The following CSMD1 variants were observed in gnomAD, a reference collection of about 807,000 sequenced individuals.
The protein encoded by CSMD1 is CUB and sushi domain-containing protein 1.
In CSMD1, 213 loss-of-function variants were observed where a neutral mutation model predicts 417.5. The observed-to-expected ratio is 0.51, with a 90% CI of 0.46 to 0.57. CSMD1 has a LOEUF of 0.57. Among genes scored for constraint, CSMD1 ranks in the 20% least tolerant of loss-of-function variants. The pLI, the probability that CSMD1 is intolerant of heterozygous loss-of-function variation, is 0.00. For synonymous variants in CSMD1, 2,862 were observed against 1,736.8 expected (o/e 1.65, Z -16.11); for missense variants, 6,923 against 4,529.7 (o/e 1.53, Z -15.17).
At chr8:3,571,406 T>C (rs952776317) in intron 10 of CSMD1, among the ~76,000 whole-genome samples, 3 of 152,104 alleles carry the variant, frequency 2.0e-5, no homozygotes, top group African/African-American at 7.2e-5. Flanking sequence ...ACGGAGAACA[T>C]ATATTGTTCT....
intron 5 of CSMD1, among the ~76,000 whole-genome samples, chr8:3,811,031 T>A (rs556310384): frequency 6.6e-6 from 1 of 152,212 alleles, no homozygotes; most frequent in Non-Finnish European, 1.5e-5. Flanking sequence ...CACTCCGTCT[T>A]ACTGGCAGGG....
At chr8:4,536,496 T>C (rs1797109484) in intron 2 of CSMD1, among the ~76,000 whole-genome samples, 1 of 152,182 alleles carries the variant, frequency 6.6e-6, no homozygotes, top group Admixed American at 6.5e-5. Flanking sequence ...ACCTTGTCTT[T>C]TTCTCTTAAC....
At chr8:3,571,980 C>G (rs778479966) in intron 10 of CSMD1, among the ~76,000 whole-genome samples, 5 of 152,118 alleles carry the variant, frequency 3.3e-5, no homozygotes, top group South Asian at 2.1e-4. Context: ...TAAAGCGCAG[C>G]CTTCCTAAAC....
At chr8:3,395,987 G>A (rs1395993150) in intron 17 of CSMD1, among the ~76,000 whole-genome samples, 1 of 152,148 alleles carries the variant, frequency 6.6e-6, no homozygotes, top group African/African-American at 2.4e-5. Context: ...CGATGGATAC[G>A]TATTTTTGAG....
At chr8:3,676,644 C>T (rs943631748) in intron 7 of CSMD1, among the ~76,000 whole-genome samples, 4 of 152,122 alleles carry the variant, frequency 2.6e-5, no homozygotes, top group African/African-American at 9.7e-5. Context: ...GGACCACGCA[C>T]ACACATGTGG....
intron 11 of CSMD1, among the ~76,000 whole-genome samples, chr8:3,472,557 G>C (rs1350968226): frequency 2.0e-5 from 3 of 152,006 alleles, no homozygotes; most frequent in East Asian, 3.9e-4. Flanking sequence ...GCACAAGAAA[G>C]ATGATGAAGA....
At chr8:4,796,163 T>G (rs980289636) in intron 1 of CSMD1, among the ~76,000 whole-genome samples, 1 of 151,646 alleles carries the variant, frequency 6.6e-6, no homozygotes, top group Non-Finnish European at 1.5e-5. Context: ...TCAAGGTGGT[T>G]TCGACAATGA....
chr8:3,770,645 T>C (rs181911880), intron 5 of CSMD1, among the ~76,000 whole-genome samples: 4 of 152,184 alleles, frequency 2.6e-5, no homozygotes, highest in African/African-American at 7.2e-5. Context: ...AAATTGTTTT[T>C]AGTGCTTTTT....
At chr8:4,399,296 G>C (rs576961478) in intron 3 of CSMD1, among the ~76,000 whole-genome samples, 54 of 152,246 alleles carry the variant, frequency 3.5e-4, no homozygotes, top group African/African-American at 1.3e-3. Flanking sequence ...AGTAATGAGG[G>C]AGCTTCAATT....
intron 1 of CSMD1, among the ~76,000 whole-genome samples, chr8:4,860,144 A>T (rs1214493325): frequency 1.3e-5 from 2 of 151,582 alleles, no homozygotes; most frequent in African/African-American, 4.9e-5. Flanking sequence ...CATCATTCTC[A>T]GTAAACTATC....
At chr8:4,423,076 C>T (rs1162727265) in intron 2 of CSMD1, among the ~76,000 whole-genome samples, 2 of 151,834 alleles carry the variant, frequency 1.3e-5, no homozygotes, top group Non-Finnish European at 2.9e-5. Context: ...TTTAAAAAAG[C>T]CTAAAGATAA....
chr8:3,692,367 C>T (rs185449812), intron 7 of CSMD1, among the ~76,000 whole-genome samples: 13 of 152,280 alleles, frequency 8.5e-5, no homozygotes, highest in African/African-American at 1.7e-4. Context: ...GAAAGAGACT[C>T]GCTGCTTTCT....
intron 1 of CSMD1, among the ~76,000 whole-genome samples, chr8:4,921,472 T>G (rs140864113): frequency 1.3e-5 from 2 of 152,254 alleles, no homozygotes; most frequent in Non-Finnish European, 2.9e-5. Flanking sequence ...TACTGTCCCC[T>G]GAAAACACAG....
At chr8:4,962,775 G>C (rs58563792) in intron 1 of CSMD1, among the ~76,000 whole-genome samples, 3,537 of 152,290 alleles carry the variant, frequency 0.023, 101 homozygotes, top group African/African-American at 0.066. Context: ...ATGGCAGAGA[G>C]AGGGGACAAA....
intron 49 of CSMD1, among the ~76,000 whole-genome samples, chr8:3,084,805 T>G (rs1178723487): frequency 6.6e-6 from 1 of 151,986 alleles, no homozygotes; most frequent in Non-Finnish European, 1.5e-5. Flanking sequence ...CTCTTCATTT[T>G]AAAGGTTTAA....
At chr8:4,950,724 T>C (rs1464693881) in intron 1 of CSMD1, among the ~76,000 whole-genome samples, 1 of 152,158 alleles carries the variant, frequency 6.6e-6, no homozygotes, top group Non-Finnish European at 1.5e-5. Flanking sequence ...GGTCATTGAA[T>C]ACCACGCACT....
chr8:4,593,354 T>C (rs939076535), intron 2 of CSMD1, among the ~76,000 whole-genome samples: 13 of 152,208 alleles, frequency 8.5e-5, no homozygotes, highest in Admixed American at 5.2e-4. Flanking sequence ...ATCCTTGTTA[T>C]TGTCATGATA....
intron 2 of CSMD1, among the ~76,000 whole-genome samples, chr8:4,580,086 G>C (rs190042654): frequency 6.6e-6 from 1 of 152,200 alleles, no homozygotes; most frequent in African/African-American, 2.4e-5. Context: ...TATATTTAAA[G>C]AGGGTGGGAG....
At chr8:3,509,814 G>A (rs1796988342) in intron 10 of CSMD1, among the ~76,000 whole-genome samples, 1 of 152,036 alleles carries the variant, frequency 6.6e-6, no homozygotes, top group African/African-American at 2.4e-5. Flanking sequence ...CAGCCCACCA[G>A]CCAGGTGTGA....
Sources: allele counts gnomAD v4.1 joint callset (sites outside exome capture counted in the v4.1 genomes callset), GRCh38; gene constraint gnomAD v4.1.1; transcripts MANE v1.5; gene names NCBI Gene and HGNC (gene_info 2026-07-23, HGNC 2026-07-21).